CNTN5: variants seen among roughly 807,000 people sequenced by gnomAD.
The protein encoded by CNTN5 is contactin 5.
A neutral mutation model predicts 129.1 loss-of-function variants in CNTN5; 77 were observed. That is an observed-to-expected ratio of 0.60 (90% CI 0.50 to 0.72). The LOEUF (loss-of-function observed/expected upper bound fraction) is 0.72, where lower values mean the gene tolerates loss of function less well. Among genes scored for constraint, CNTN5 ranks in the 30% least tolerant of loss-of-function variants. CNTN5 has a pLI of 0.00. For synonymous variants in CNTN5, 509 were observed against 465.6 expected (o/e 1.09, Z -1.20); for missense variants, 1,478 against 1,328.8 (o/e 1.11, Z -1.75).
At chr11:99,455,937 G>T (rs1351484726) in intron 2 of CNTN5, among the ~76,000 whole-genome samples, 1 of 151,988 alleles carries the variant, frequency 6.6e-6, no homozygotes, top group African/African-American at 2.4e-5. Flanking sequence ...ATTCCCAAAG[G>T]ATAGTTGTGG....
intron 3 of CNTN5, among the ~76,000 whole-genome samples, chr11:99,755,733 G>A (rs1347667768): frequency 6.6e-6 from 1 of 151,930 alleles, no homozygotes; most frequent in Non-Finnish European, 1.5e-5. Flanking sequence ...TATAGTATCT[G>A]TAATGGGAAT....
In CNTN5 at chr11:99,268,265, A is replaced by G. The variant is rs1863003842; in HGVS notation, c.-209-57081A>G. ...CTAGAAGCCAATGGCTTGGACTGGA[A>G]AGTAGAACCAATGAGTTGGAGAATT... On this transcript the variant is annotated intron_variant, in intron 1 of 24. Transcript: ENST00000524871. 2.6e-5 allele frequency among the ~76,000 whole-genome samples: 4 copies of G among 152,128 alleles called. No individual in the cohort carries two copies. The South Asian group carries it at 8.3e-4, about 31-fold the overall frequency.
At chr11:99,273,972 T>C (rs1863302448) in intron 1 of CNTN5, among the ~76,000 whole-genome samples, 1 of 151,722 alleles carries the variant, frequency 6.6e-6, no homozygotes, top group East Asian at 1.9e-4. Context: ...TGTTGACCAC[T>C]AGCCACAAGT....
chr11:99,658,115 T>G (rs954854486), intron 3 of CNTN5, among the ~76,000 whole-genome samples: 1 of 152,116 alleles, frequency 6.6e-6, no homozygotes, highest in Non-Finnish European at 1.5e-5. Context: ...TTGTGGAGTT[T>G]ACATTCTAAA....
intron 8 of CNTN5, among the ~76,000 whole-genome samples, chr11:99,983,601 G>A (rs1788475784): frequency 6.6e-6 from 1 of 152,188 alleles, no homozygotes; most frequent in South Asian, 2.1e-4. Context: ...GAGAACAGAT[G>A]AACAGATTAA....
At chr11:99,216,472 T>C (rs879429410) in intron 1 of CNTN5, among the ~76,000 whole-genome samples, 4 of 152,182 alleles carry the variant, frequency 2.6e-5, no homozygotes, top group Non-Finnish European at 4.4e-5. Flanking sequence ...GGAGTGCCGA[T>C]ATCTCTTAGA....
intron 1 of CNTN5, among the ~76,000 whole-genome samples, chr11:99,076,681 A>G (rs1865590838): frequency 6.6e-6 from 1 of 152,170 alleles, no homozygotes; most frequent in Non-Finnish European, 1.5e-5. Flanking sequence ...ATTTATGTCT[A>G]CTGTAGTATG....
intron 1 of CNTN5, among the ~76,000 whole-genome samples, chr11:99,143,679 C>G (rs1048729131): frequency 6.6e-6 from 1 of 152,028 alleles, no homozygotes; most frequent in African/African-American, 2.4e-5. Context: ...TTGGTGAAAA[C>G]CTTAAATATA....
At chr11:100,331,618 A>G (rs1461817878) in intron 21 of CNTN5, among the ~76,000 whole-genome samples, 1 of 152,140 alleles carries the variant, frequency 6.6e-6, no homozygotes, top group Non-Finnish European at 1.5e-5. Context: ...AAGAAAATCA[A>G]AATTATGTCA....
intron 6 of CNTN5, among the ~76,000 whole-genome samples, chr11:99,849,973 C>T (rs528597462): frequency 1.3e-5 from 2 of 151,978 alleles, no homozygotes; most frequent in Non-Finnish European, 2.9e-5. Context: ...ATGCTTGCTT[C>T]CTCAGTCATC....
chr11:100,285,948 C>T lies in CNTN5; in HGVS notation c.2315-11677C>T, dbSNP rs1035342175. On this transcript the variant is annotated intron_variant, in intron 18 of 24. Transcript: ENST00000524871. The stretch of plus-strand genomic sequence containing the variant: ...GCGAGGCGTTGCCTCACTTGGGAAG[C>T]GCAAGGGGTCAGGGAGCTCCCTTTC... Among the ~76,000 whole-genome samples the T allele has an allele frequency of 3.9e-5, 6 of 152,326 alleles. No individual in the cohort carries two copies. The East Asian group carries it at 9.7e-4, about 25-fold the overall frequency.
At chr11:100,086,096 TAAAG>T (rs1366309272) in intron 13 of CNTN5, among the ~76,000 whole-genome samples, 1 of 151,914 alleles carries the variant, frequency 6.6e-6, no homozygotes, top group Non-Finnish European at 1.5e-5. Flanking sequence ...TGAAGACAAA[TAAAG>T]AAGAACTTGA....
intron 7 of CNTN5, among the ~76,000 whole-genome samples, chr11:99,926,094 G>T (rs1172332864): frequency 6.6e-6 from 1 of 152,140 alleles, no homozygotes; most frequent in Non-Finnish European, 1.5e-5. Context: ...AAGATAATTA[G>T]CTCAATGGTT....
At chr11:99,308,914 T>C (rs1364439026) in intron 1 of CNTN5, among the ~76,000 whole-genome samples, 1 of 152,182 alleles carries the variant, frequency 6.6e-6, no homozygotes, top group Non-Finnish European at 1.5e-5. Context: ...CTGTGTTGAA[T>C]CTGCTTTTAA....
chr11:100,294,759 T>C (rs561132888), intron 18 of CNTN5, among the ~76,000 whole-genome samples: 1 of 151,812 alleles, frequency 6.6e-6, no homozygotes, highest in South Asian at 2.1e-4. Flanking sequence ...ATAGAACTTT[T>C]ACACCATAAG....
At chr11:99,138,939 T>C (rs1263790765) in intron 1 of CNTN5, among the ~76,000 whole-genome samples, 1 of 152,132 alleles carries the variant, frequency 6.6e-6, no homozygotes, top group African/African-American at 2.4e-5. Flanking sequence ...GCAAAGAAAG[T>C]AGCAAATAAA....
intron 3 of CNTN5, among the ~76,000 whole-genome samples, chr11:99,691,758 G>A (rs546447971): frequency 1.0e-3 from 154 of 152,034 alleles, no homozygotes; most frequent in African/African-American, 3.1e-3. Context: ...GATATCTGTC[G>A]GATCCACTTG....
chr11:99,591,337 C>CTTTTTTTT (rs10633238), intron 3 of CNTN5, among the ~76,000 whole-genome samples: 1 of 113,100 alleles, frequency 8.8e-6, no homozygotes, highest in Non-Finnish European at 1.7e-5. Flanking sequence ...TCAACAAAAC[C>CTTTTTTTT]TTTTTTTTTT....
intron 2 of CNTN5, among the ~76,000 whole-genome samples, chr11:99,439,640 G>A (rs758351875): frequency 1.2e-4 from 18 of 145,910 alleles, no homozygotes; most frequent in Non-Finnish European, 1.8e-4. Context: ...CCCGGAAGGC[G>A]GAGGTTGCAG....
Sources: allele counts gnomAD v4.1 joint callset (sites outside exome capture counted in the v4.1 genomes callset), GRCh38; gene constraint gnomAD v4.1.1; transcripts MANE v1.5; gene names NCBI Gene and HGNC (gene_info 2026-07-23, HGNC 2026-07-21).